The following SMG9 variants were observed in gnomAD, a reference collection of about 807,000 sequenced individuals.
The protein encoded by SMG9 is nonsense-mediated mRNA decay factor SMG9.
Under a neutral mutation model 64.0 loss-of-function variants are expected in SMG9, and 55 were observed. The observed-to-expected ratio is 0.86, with a 90% CI of 0.69 to 1.08. SMG9 has a LOEUF of 1.08. Ranked by LOEUF, SMG9 falls within the 50% of genes least tolerant of loss-of-function variation. SMG9 has a pLI of 0.00. For synonymous variants in SMG9, 244 were observed against 254.8 expected (o/e 0.96, Z 0.41); for missense variants, 554 against 681.3 (o/e 0.81, Z 2.08).
intron 6 of SMG9, among the ~76,000 whole-genome samples, chr19:43,744,304 A>G (rs766849428): frequency 2.0e-5 from 3 of 152,168 alleles, no homozygotes; most frequent in Non-Finnish European, 4.4e-5. Context: ...TATTTCTCAG[A>G]TCGTATCAGC....
Position 43,733,734 on chromosome 19 carries a change from C to T in SMG9, c.1103-1G>A, listed in dbSNP as rs765260225. The T allele has an allele frequency of 6.2e-7, 1 of 1,613,790 alleles. No individual in the cohort carries two copies. The highest frequency in any genetic ancestry group is 1.7e-5 in the Admixed American group (1 of 60,010). The stretch of plus-strand genomic sequence containing the variant: ...CGGCGAGCTTTGTTCTGCAAGAAGA[C>T]TGAGGGTGGGAAGAGACGGGCCCTG... On this transcript the variant is annotated splice_acceptor_variant, in intron 10 of 13. Coordinates refer to ENST00000270066, the MANE Select transcript of SMG9 (RefSeq NM_019108.4). LOFTEE classifies it high-confidence loss of function.
chr19:43,735,857 C>T (rs933621665), intron 9 of SMG9, among the ~76,000 whole-genome samples: 3 of 152,174 alleles, frequency 2.0e-5, no homozygotes, highest in Admixed American at 1.3e-4. Flanking sequence ...AAAAACAAGG[C>T]TCTGCCATGT....
intron 5 of SMG9, 36 bp downstream of exon 5, chr19:43,747,406 G>A (rs756721765): frequency 2.6e-5 from 41 of 1,593,884 alleles, no homozygotes; most frequent in Non-Finnish European, 2.0e-5. Context: ...GATGCAGGAT[G>A]TGCGGAAGCT....
At chr19:43,753,004 C>A (rs1969237541) in intron 1 of SMG9, among the ~76,000 whole-genome samples, 2 of 151,900 alleles carry the variant, frequency 1.3e-5, no homozygotes, top group South Asian at 4.2e-4. Context: ...CTCCCCTGCC[C>A]CACCTCATAA....
chr19:43,733,421 G>T lies in SMG9; in HGVS notation c.1242C>A (p.Phe414Leu). The stretch of plus-strand genomic sequence containing the variant: ...CCAGGAAGTCAGGTGGAAGCCCCGG[G>T]AAGACATTGCATTGTAACATGGACA... ...GTLSMLQCNV[F>L]PGLPPDFLDS... Residue 414 changes from phenylalanine to leucine, a missense_variant, in exon 12 of 14, where the codon TTC (phenylalanine) becomes TTA (leucine). Physicochemically the swap from Phe to Leu is conservative, Grantham distance 22. Coordinates refer to ENST00000270066, the MANE Select transcript of SMG9 (RefSeq NM_019108.4). The T allele has an allele frequency of 1.2e-6, 2 of 1,614,096 alleles. No individual in the cohort carries two copies. The highest frequency in any genetic ancestry group is 1.7e-6 in the Non-Finnish European group (2 of 1,180,036).
In SMG9 at chr19:43,733,011, T is replaced by A; in HGVS notation, c.1340-9A>T. The A allele has an allele frequency of 6.2e-7, 1 of 1,605,112 alleles. No homozygotes were observed. Among genetic ancestry groups the A allele is most frequent in the Non-Finnish European group, 8.5e-7 (1 of 1,175,544 alleles). On this transcript the variant is annotated splice_polypyrimidine_tract_variant and intron_variant, in intron 12 of 13. Transcript: ENST00000270066. ...TGGGCTGGAACCAGGTCCTGGAAAG[T>A]TGGGGCAGGGAGGGTAAGAGGGATA...
rs751027524 is a variant in SMG9 at position 43,731,641 on chromosome 19, C to T, written c.1518G>A (p.Val506=). The T allele has an allele frequency of 6.2e-7, 1 of 1,614,264 alleles. No homozygotes were observed. The highest frequency in any genetic ancestry group is 8.5e-7 in the Non-Finnish European group (1 of 1,180,050). ...ACTCTGCCAGAGCAGAGGACTTTCT[C>T]ACCCCATCCCAGATCCGGGCAGCGT... is the stretch of plus-strand genomic sequence containing the variant. ...FHYAARIWDG[V]RKSSALAEYS... is the part of the protein sequence containing the mutation. Residue 506 remains valine (V), a synonymous_variant, in exon 14 of 14, where the codon GTG becomes GTA. Coordinates refer to ENST00000270066, the MANE Select transcript of SMG9 (RefSeq NM_019108.4).
At chr19:43,739,816 C>A in intron 7 of SMG9, 1 of 382,790 alleles carries the variant, frequency 2.6e-6, no homozygotes, top group Non-Finnish European at 4.8e-6. Flanking sequence ...AGTCACCCAG[C>A]TGGTAAGAAC....
chr19:43,737,042 G>C (rs947690530), intron 9 of SMG9, among the ~76,000 whole-genome samples: 5 of 152,196 alleles, frequency 3.3e-5, no homozygotes, highest in Non-Finnish European at 7.3e-5. Context: ...AGGTGGCCGA[G>C]GCAGGTGGAT....
chr19:43,748,410 A>G (rs1325788362), intron 2 of SMG9, among the ~76,000 whole-genome samples: 3 of 152,242 alleles, frequency 2.0e-5, no homozygotes, highest in Non-Finnish European at 4.4e-5. Flanking sequence ...AACTTGAATA[A>G]GGAACCACCC....
chr19:43,733,086 C>A, intron 12 of SMG9, 84 bp from the exon 13 acceptor site: 1 of 1,493,522 alleles, frequency 6.7e-7, no homozygotes, highest in South Asian at 1.3e-5. Flanking sequence ...CTTCAAGGAG[C>A]ACCTGAGAGT....
intron 5 of SMG9, among the ~76,000 whole-genome samples, chr19:43,745,933 G>T (rs886579200): frequency 2.6e-5 from 4 of 152,184 alleles, no homozygotes; most frequent in African/African-American, 9.7e-5. Context: ...CCCGGGAGGC[G>T]GGGGTTGCGG....
In SMG9 at chr19:43,729,102, A is replaced by C; in HGVS notation, c.*2494T>G. On this transcript the variant is annotated 3_prime_UTR_variant, in exon 14 of 14. Coordinates refer to ENST00000270066, the MANE Select transcript of SMG9 (RefSeq NM_019108.4). ...CGGTACATACTTACCCACTGTTCAGAAGGCTACTGCCAGTTTGACTCCTCT... is the reference window on the plus strand; with the variant it reads ...CGGTACATACTTACCCACTGTTCAGCAGGCTACTGCCAGTTTGACTCCTCT... 1.1e-6 allele frequency: 1 copy of C among 918,196 alleles called. No homozygotes were observed. The highest frequency in any genetic ancestry group is 1.3e-6 in the Non-Finnish European group (1 of 768,532). The allele number at this position is 918,196 out of a possible 1,614,324, so 56.9% of individuals were successfully genotyped here. A position where few individuals can be genotyped will look rare whatever the true frequency, so the allele number is the denominator to read the frequency against.
intron 5 of SMG9, among the ~76,000 whole-genome samples, chr19:43,746,789 T>C (rs897780807): frequency 7.1e-4 from 108 of 151,536 alleles, no homozygotes; most frequent in African/African-American, 2.5e-3. Flanking sequence ...TTCAAAACAG[T>C]TGACACTGAG....
intron 11 of SMG9, 84 bp downstream of exon 11, chr19:43,733,542 A>G: frequency 6.2e-7 from 1 of 1,607,946 alleles, no homozygotes; most frequent in Non-Finnish European, 8.5e-7. Context: ...TCAGGAGACT[A>G]GTCTGGGGGT....
At chr19:43,744,615 A>G (rs1968943843) in intron 6 of SMG9, among the ~76,000 whole-genome samples, 157 bp downstream of exon 6, 1 of 152,198 alleles carries the variant, frequency 6.6e-6, no homozygotes, top group Non-Finnish European at 1.5e-5. Flanking sequence ...AGTCCAGCCC[A>G]TTATCATCTT....
In SMG9 at chr19:43,733,705, C is replaced by T. The variant is rs748790986; in HGVS notation, c.1131G>A (p.Glu377=). 2 of 1,614,174 alleles carry T rather than the reference C, an allele frequency of 1.2e-6. No individual in the cohort carries two copies. The highest frequency in any genetic ancestry group is 3.3e-5 in the Admixed American group (2 of 60,018). The stretch of plus-strand genomic sequence containing the variant: ...GCCGCAGCTTCCGAGGACAGAAGTC[C>T]TCTCGGCGAGCTTTGTTCTGCAAGA... ...LVFLQNKARR[E]DFCPRKLRQM... is the part of the protein sequence containing the mutation. The change falls in exon 11 of 14, where the codon GAG becomes GAA. Residue 377 remains glutamate, a synonymous_variant. Transcript: ENST00000270066.
At chr19:43,750,840 T>C in intron 1 of SMG9, 93 bp from the exon 2 acceptor site, 1 of 1,219,750 alleles carries the variant, frequency 8.2e-7, no homozygotes, top group Non-Finnish European at 1.1e-6. Context: ...TCTTTCTTTT[T>C]TTTGGAGATG....
Position 43,731,572 on chromosome 19 carries a change from T to G in SMG9, c.*24A>C, listed in dbSNP as rs1349283316. 1 of 1,614,146 alleles carries G rather than the reference T, an allele frequency of 6.2e-7. No homozygotes were observed. The highest frequency in any genetic ancestry group is 1.1e-5 in the South Asian group (1 of 91,080). ...TACACTGCGGACCCAGGAGGTCCCC[T>G]GCATGACATTCCTCTCCTTGGCCTC... On this transcript the variant is annotated 3_prime_UTR_variant, in exon 14 of 14. Transcript: ENST00000270066.
Sources: allele counts gnomAD v4.1 joint callset (sites outside exome capture counted in the v4.1 genomes callset), GRCh38; gene constraint gnomAD v4.1.1; transcripts MANE v1.5; gene names NCBI Gene and HGNC (gene_info 2026-07-23, HGNC 2026-07-21).